GRIP1: variants seen among roughly 807,000 people sequenced by gnomAD.
GRIP1 encodes glutamate receptor interacting protein 1.
A neutral mutation model predicts 129.9 loss-of-function variants in GRIP1; 45 were observed. That is an observed-to-expected ratio of 0.35 (90% CI 0.27 to 0.44). GRIP1 has a LOEUF of 0.44. Ranked by LOEUF, GRIP1 falls within the 20% of genes least tolerant of loss-of-function variation. The probability of loss-of-function intolerance (pLI) is 1.00; values close to 1 mark genes in which losing one functional copy is unlikely to be tolerated. For synonymous variants in GRIP1, 530 were observed against 520.8 expected (o/e 1.02, Z -0.24); for missense variants, 1,196 against 1,396.8 (o/e 0.86, Z 2.29).
At chr12:66,627,989 A>G (rs2030290328) in intron 1 of GRIP1, among the ~76,000 whole-genome samples, 1 of 152,096 alleles carries the variant, frequency 6.6e-6, no homozygotes, top group African/African-American at 2.4e-5. Context: ...GTGAATTCCA[A>G]TACTTGATCA....
chr12:66,830,855 T>C (rs1421775475), intron 1 of GRIP1, among the ~76,000 whole-genome samples: 1 of 151,118 alleles, frequency 6.6e-6, no homozygotes, highest in Non-Finnish European at 1.5e-5. Context: ...TTTTCTGTTT[T>C]GATTTTGTGA....
chr12:66,993,986 T>C (rs2042431377), intron 1 of GRIP1, among the ~76,000 whole-genome samples: 1 of 152,094 alleles, frequency 6.6e-6, no homozygotes, highest in Admixed American at 6.6e-5. Context: ...TGAACGGATC[T>C]ATAACAACTA....
chr12:66,460,137 T>C (rs1366648882), intron 9 of GRIP1, among the ~76,000 whole-genome samples: 1 of 152,142 alleles, frequency 6.6e-6, no homozygotes, highest in Non-Finnish European at 1.5e-5. Flanking sequence ...CGTGGTGGAG[T>C]CAGAGGTGAA....
chr12:66,822,000 T>TGGTG (rs1555242367), intron 1 of GRIP1, among the ~76,000 whole-genome samples: 3 of 150,430 alleles, frequency 2.0e-5, no homozygotes, highest in Non-Finnish European at 4.4e-5. Flanking sequence ...CACTTCCATC[T>TGGTG]TGTGTGTGTG....
At chr12:66,891,481 G>A (rs566233632) in intron 1 of GRIP1, among the ~76,000 whole-genome samples, 16 of 152,268 alleles carry the variant, frequency 1.1e-4, no homozygotes, top group African/African-American at 3.9e-4. Flanking sequence ...CCATCTGAAG[G>A]TTGCACCAGA....
chr12:66,862,109 T>A (rs2040122617), intron 1 of GRIP1, among the ~76,000 whole-genome samples: 1 of 152,036 alleles, frequency 6.6e-6, no homozygotes, highest in Non-Finnish European at 1.5e-5. Context: ...CTTTGGGATG[T>A]TAGAACCAAT....
intron 13 of GRIP1, among the ~76,000 whole-genome samples, chr12:66,441,250 T>C (rs2058464560): frequency 6.6e-6 from 1 of 152,254 alleles, no homozygotes; most frequent in African/African-American, 2.4e-5. Context: ...AATTCTTTCT[T>C]TGGCTTCCAA....
rs149516644 is a variant in GRIP1 at position 66,707,023 on chromosome 12, C to G, written c.-419-76687G>C. ...TAAAGGAATAAAAAGAAAATAATTACTACCACTTAAGTTTGAACAAACAAA... is the reference window on the plus strand; with the variant it reads ...TAAAGGAATAAAAAGAAAATAATTAGTACCACTTAAGTTTGAACAAACAAA... On this transcript the variant is annotated intron_variant, in intron 1 of 4. Transcript: ENST00000538373. Among the ~76,000 whole-genome samples, 505 of 151,676 alleles carry G rather than the reference C, an allele frequency of 3.3e-3. 2 individuals carry two copies. Among genetic ancestry groups the G allele is most frequent in the African/African-American group, 0.012 (483 of 41,374 alleles).
chr12:66,740,086 T>C (rs916343765), intron 1 of GRIP1, among the ~76,000 whole-genome samples: 1 of 152,132 alleles, frequency 6.6e-6, no homozygotes, highest in Non-Finnish European at 1.5e-5. Flanking sequence ...TAATGTGAAC[T>C]AAGGAGAGCC....
chr12:66,347,800 A>G lies in GRIP1; in HGVS notation c.*1219T>C, dbSNP rs966344371. Reference sequence around the variant, plus strand: ...CTTAAACAAAGGACACAGTGTTCGAATACTTTGCCTAAGTGGTAGTTTGAA... The same window carrying G: ...CTTAAACAAAGGACACAGTGTTCGAGTACTTTGCCTAAGTGGTAGTTTGAA... On this transcript the variant is annotated 3_prime_UTR_variant, in exon 25 of 25. Transcript: ENST00000359742. 3 of 152,176 alleles carry G rather than the reference A, an allele frequency of 2.0e-5. 1 individual carries two copies. Among genetic ancestry groups the G allele is most frequent in the East Asian group, 1.9e-4 (1 of 5,192 alleles). 9.4% of individuals were successfully genotyped at this position (152,176 alleles called of 1,614,324 possible).
intron 1 of GRIP1, among the ~76,000 whole-genome samples, chr12:66,792,596 T>C (rs541154777): frequency 6.6e-6 from 1 of 152,174 alleles, no homozygotes; most frequent in Non-Finnish European, 1.5e-5. Context: ...CTCCTTATGT[T>C]GCCCAGGCTA....
chr12:66,874,250 C>T (rs983026948), intron 1 of GRIP1, among the ~76,000 whole-genome samples: 2 of 152,056 alleles, frequency 1.3e-5, no homozygotes, highest in Non-Finnish European at 2.9e-5. Flanking sequence ...GGGCTTTGGA[C>T]TTATCCATCG....
At chr12:67,067,856 C>T (rs777430058) in intron 1 of GRIP1, among the ~76,000 whole-genome samples, 5 of 152,210 alleles carry the variant, frequency 3.3e-5, no homozygotes, top group Non-Finnish European at 7.3e-5. Flanking sequence ...ACTGGCCGGC[C>T]TCCTCTGGCT....
At chr12:66,544,784 G>C (rs1473918406) in intron 2 of GRIP1, among the ~76,000 whole-genome samples, 1 of 152,162 alleles carries the variant, frequency 6.6e-6, no homozygotes, top group Non-Finnish European at 1.5e-5. Flanking sequence ...TGCTTTTGGA[G>C]TTTGCTTTTG....
intron 1 of GRIP1, among the ~76,000 whole-genome samples, chr12:66,856,208 T>C (rs1370958719): frequency 2.0e-5 from 3 of 152,084 alleles, no homozygotes; most frequent in South Asian, 2.1e-4. Flanking sequence ...TTACACCTTA[T>C]ACAAAAATTA....
At chr12:66,826,548 A>G (rs2039416904) in intron 1 of GRIP1, among the ~76,000 whole-genome samples, 1 of 151,976 alleles carries the variant, frequency 6.6e-6, no homozygotes, top group South Asian at 2.1e-4. Context: ...CTGAACAGTA[A>G]GCAAAATGTT....
At chr12:66,991,405 G>A (rs148670857) in intron 1 of GRIP1, among the ~76,000 whole-genome samples, 110 of 152,274 alleles carry the variant, frequency 7.2e-4, no homozygotes, top group African/African-American at 2.4e-3. Flanking sequence ...GCAAATTCAG[G>A]AGAATAAGGC....
intron 7 of GRIP1, among the ~76,000 whole-genome samples, chr12:66,500,462 C>T (rs1400625166): frequency 6.6e-6 from 1 of 152,076 alleles, no homozygotes; most frequent in African/African-American, 2.4e-5. Flanking sequence ...TAGTGTTAGA[C>T]TAAAAATTGT....
At chr12:66,660,523 A>G (rs2033432175) in intron 1 of GRIP1, among the ~76,000 whole-genome samples, 1 of 152,152 alleles carries the variant, frequency 6.6e-6, no homozygotes. Context: ...GTTAAACAAG[A>G]TTTGTATTGT....
Sources: allele counts gnomAD v4.1 joint callset (sites outside exome capture counted in the v4.1 genomes callset), GRCh38; gene constraint gnomAD v4.1.1; transcripts MANE v1.5; gene names NCBI Gene and HGNC (gene_info 2026-07-23, HGNC 2026-07-21).